OGFRL1: variants seen among roughly 807,000 people sequenced by gnomAD.
OGFRL1 encodes opioid growth factor receptor-like protein 1.
OGFRL1 carries 26 observed loss-of-function variants against 32.4 expected under a neutral mutation model. The ratio of observed to expected loss-of-function variants is 0.80; its 90% CI spans 0.59 to 1.11. The LOEUF (loss-of-function observed/expected upper bound fraction) is 1.11. OGFRL1 is among the 50% of genes most tolerant of loss of function. The pLI is 0.00. For missense variants in OGFRL1, 521 were observed against 546.4 expected, an observed-to-expected ratio of 0.95 and a Z score of 0.46; for synonymous variants, 211 against 201.2, an observed-to-expected ratio of 1.05 and a Z score of -0.41.
At chr6:71,289,923 G>A (rs1177066513) in intron 1 of OGFRL1, 8 of 650,802 alleles carry the variant, frequency 1.2e-5, no homozygotes, top group Non-Finnish European at 1.1e-5. Flanking sequence ...CCTGGAGGTG[G>A]TTCAGGTTTG....
At position 71,303,476 on chromosome 6, in the gene OGFRL1, GC is replaced by G. The variant is rs1357185848; in HGVS notation, c.*1428del. The G allele has an allele frequency of 2.0e-5, 3 of 152,180 alleles. No individual in the cohort carries two copies. Among genetic ancestry groups the G allele is most frequent in the Non-Finnish European group, 4.4e-5 (3 of 68,028 alleles). The allele number at this position is 152,180 out of a possible 1,614,324, so 9.4% of individuals were successfully genotyped here. ...TTGAAAAGTTCAAGACAAGAATTTTGCTCTCTATGGCTGTTCCATATAAATT... is the reference window on the plus strand; with the variant it reads ...TTGAAAAGTTCAAGACAAGAATTTTGTCTCTATGGCTGTTCCATATAAATT... On this transcript the variant is annotated 3_prime_UTR_variant, in exon 7 of 7. Coordinates refer to ENST00000370435, the MANE Select transcript of OGFRL1 (RefSeq NM_024576.5).
chr6:71,307,523 A>C lies in OGFRL1; in HGVS notation c.*5474A>C, dbSNP rs1380750844. On this transcript the variant is annotated 3_prime_UTR_variant, in exon 7 of 7. Transcript: ENST00000370435. ...TCACTCCTATTTATTTAATTAAAAA[A>C]TTAGGGAAGTTGTTCATTCACAGCT... 1 of 152,170 alleles carries C rather than the reference A, an allele frequency of 6.6e-6. No individual in the cohort carries two copies. The highest frequency in any genetic ancestry group is 1.5e-5 in the Non-Finnish European group (1 of 68,044). The allele number at this position is 152,170 out of a possible 1,614,324, so 9.4% of individuals were successfully genotyped here.
chr6:71,289,429 C>T (rs1408187556), intron 1 of OGFRL1: 1 of 984,944 alleles, frequency 1.0e-6, no homozygotes, highest in African/African-American at 1.7e-5. Flanking sequence ...AAGGCAGAAC[C>T]CAACTTGAAT....
Position 71,308,089 on chromosome 6 carries a change from C to CAGT in OGFRL1, c.*6043_*6045dup, listed in dbSNP as rs1158432808. 2 of 152,342 alleles carry CAGT rather than the reference C, an allele frequency of 1.3e-5. No individual in the cohort carries two copies. The highest frequency in any genetic ancestry group is 2.9e-5 in the Non-Finnish European group (2 of 68,038). The allele number at this position is 152,342 out of a possible 1,614,324, so 9.4% of individuals were successfully genotyped here. The stretch of plus-strand genomic sequence containing the variant: ...CCACCTACTCTGCGTTGAAGCCCTC[C>CAGT]AGTAGACTGATAGATGTAATCAAAT... On this transcript the variant is annotated 3_prime_UTR_variant, in exon 7 of 7. Transcript: ENST00000370435.
At chr6:71,301,354 C>A in intron 6 of OGFRL1, 32 bp from the exon 7 acceptor site, 1 of 1,504,156 alleles carries the variant, frequency 6.6e-7, no homozygotes, top group Non-Finnish European at 8.9e-7. Flanking sequence ...ACCTGATTTC[C>A]CCCACTCATT....
At position 71,301,909 on chromosome 6, in the gene OGFRL1, C is replaced by G; in HGVS notation, c.1216C>G (p.Gln406Glu). The G allele has an allele frequency of 1.1e-5, 18 of 1,613,886 alleles. No individual in the cohort carries two copies. The highest frequency in any genetic ancestry group is 1.5e-5 in the Non-Finnish European group (18 of 1,179,976). The change falls in exon 7 of 7, where the codon CAA becomes GAA. Residue 406 changes from glutamine to glutamate, a missense_variant. By Grantham distance (29) the Gln-to-Glu change is conservative. Transcript: ENST00000370435. Reference sequence around the variant, plus strand: ...CAGTAATGCTGAGAACATGAATTCTCAACCTGAGAAAACAGTTACTACTCC... The same window carrying G: ...CAGTAATGCTGAGAACATGAATTCTGAACCTGAGAAAACAGTTACTACTCC... ...KDSNAENMNS[Q>E]PEKTVTTPTE...
chr6:71,289,204 G>A, intron 1 of OGFRL1, 34 bp downstream of exon 1: 1 of 1,056,490 alleles, frequency 9.5e-7, no homozygotes, highest in Non-Finnish European at 1.1e-6. Flanking sequence ...GGGTCGGGCT[G>A]GGGCGCCCCG....
Position 71,306,275 on chromosome 6 carries a change from T to C in OGFRL1, c.*4226T>C, listed in dbSNP as rs1361029355. 3.3e-5 allele frequency: 5 copies of C among 152,168 alleles called. No individual in the cohort carries two copies. The highest frequency in any genetic ancestry group is 7.4e-5 in the Non-Finnish European group (5 of 68,022). 9.4% of individuals were successfully genotyped at this position (152,168 alleles called of 1,614,324 possible). Reference sequence around the variant, plus strand: ...GGAGTGTACATTTGCTGGCTTCTTTTTGAGTTTTGTACTGTTTATTACAGG... The same window carrying C: ...GGAGTGTACATTTGCTGGCTTCTTTCTGAGTTTTGTACTGTTTATTACAGG... On this transcript the variant is annotated 3_prime_UTR_variant, in exon 7 of 7. Transcript: ENST00000370435.
Position 71,296,315 on chromosome 6 carries a change from A to G in OGFRL1, c.401-2A>G. The stretch of plus-strand genomic sequence containing the variant: ...GTTCATTTTTAAATATTTACTATTT[A>G]GGTGTTTACATTGAAGAAGTTCTAA... On this transcript the variant is annotated splice_acceptor_variant, in intron 3 of 6. Coordinates refer to ENST00000370435, the MANE Select transcript of OGFRL1 (RefSeq NM_024576.5). LOFTEE classifies it high-confidence loss of function. 1 of 1,565,592 alleles carries G rather than the reference A, an allele frequency of 6.4e-7. No individual in the cohort carries two copies.
chr6:71,293,194 C>G (rs2149352436), intron 1 of OGFRL1, 99 bp from the exon 2 acceptor site: 1 of 901,096 alleles, frequency 1.1e-6, no homozygotes, highest in Non-Finnish European at 1.8e-6. Context: ...TGACAATTTT[C>G]AGGCTTTCTT....
chr6:71,293,238 C>A, intron 1 of OGFRL1, 55 bp from the exon 2 acceptor site: 1 of 1,454,722 alleles, frequency 6.9e-7, no homozygotes, highest in Non-Finnish European at 9.6e-7. Flanking sequence ...CTGGAAATTT[C>A]TTTGTGAAAT....
In OGFRL1 at chr6:71,308,953, A is replaced by G. The variant is rs1766635890; in HGVS notation, c.*6904A>G. On this transcript the variant is annotated 3_prime_UTR_variant, in exon 7 of 7. Transcript: ENST00000370435. ...TATTTTTAAAGAACTAGAAAAAATG[A>G]CTTGCTGTTTTCCTGTCATTAAGCA... 1 of 152,198 alleles carries G rather than the reference A, an allele frequency of 6.6e-6. No homozygotes were observed. Among genetic ancestry groups the G allele is most frequent in the Non-Finnish European group, 1.5e-5 (1 of 68,020 alleles). The allele number at this position is 152,198 out of a possible 1,614,324, so 9.4% of individuals were successfully genotyped here.
chr6:71,290,211 TAGAG>T (rs1229363739), intron 1 of OGFRL1, among the ~76,000 whole-genome samples: 2 of 152,126 alleles, frequency 1.3e-5, no homozygotes, highest in East Asian at 1.9e-4. Context: ...AACTGAGGCT[TAGAG>T]AGAAAGGAAA....
chr6:71,290,546 C>T (rs1040929006), intron 1 of OGFRL1, among the ~76,000 whole-genome samples: 1 of 152,154 alleles, frequency 6.6e-6, no homozygotes, highest in Non-Finnish European at 1.5e-5. Context: ...AACTGCAACC[C>T]CAGTAACTAG....
chr6:71,289,193 C>T, intron 1 of OGFRL1, 23 bp downstream of exon 1: 3 of 1,065,704 alleles, frequency 2.8e-6, no homozygotes, highest in Non-Finnish European at 3.4e-6. Context: ...GCGGTGGCCT[C>T]GGGTCGGGCT....
intron 6 of OGFRL1, among the ~76,000 whole-genome samples, chr6:71,300,434 G>A (rs1173239766): frequency 6.6e-6 from 1 of 152,058 alleles, no homozygotes; most frequent in African/African-American, 2.4e-5. Context: ...AGTGTAATCT[G>A]GGGGAAAATG....
intron 1 of OGFRL1, among the ~76,000 whole-genome samples, chr6:71,292,500 A>T (rs1206189129): frequency 1.3e-5 from 2 of 152,208 alleles, no homozygotes; most frequent in African/African-American, 4.8e-5. Context: ...ACATTATAAT[A>T]GTACATATAG....
intron 1 of OGFRL1, chr6:71,289,527 CCCTCT>C (rs1561944822): frequency 2.7e-6 from 2 of 751,038 alleles, no homozygotes. Flanking sequence ...TTTTGACAAC[CCCTCT>C]AGTGTGTGTT....
Position 71,296,672 on chromosome 6 carries a change from G to A in OGFRL1, c.547G>A (p.Glu183Lys). ...AKELTTYEIEEFKKTKEAIRR... is the reference protein window; with the variant it reads ...AKELTTYEIEKFKKTKEAIRR... ...TGACTTTTTTCATTTTTTATATTAG[G>A]AATTCAAAAAAACAAAAGAAGCAAT... is the stretch of plus-strand genomic sequence containing the variant. The change falls in exon 6 of 7, where the codon GAA becomes AAA. Residue 183 changes from glutamate to lysine, a missense_variant and splice_region_variant. Coordinates refer to ENST00000370435, the MANE Select transcript of OGFRL1 (RefSeq NM_024576.5). The A allele has an allele frequency of 6.2e-7, 1 of 1,608,244 alleles. No individual in the cohort carries two copies. Among genetic ancestry groups the A allele is most frequent in the Non-Finnish European group, 8.5e-7 (1 of 1,178,032 alleles).
Sources: gnomAD v4.1 joint callset for allele counts (sites outside exome capture counted in the v4.1 genomes callset) on GRCh38, gnomAD v4.1.1 for gene constraint, MANE v1.5 for transcripts, NCBI Gene and HGNC (gene_info 2026-07-23, HGNC 2026-07-21) for gene names.